The following KDM4A variants were observed in gnomAD, a reference collection of about 807,000 sequenced individuals.
The protein encoded by KDM4A is lysine-specific demethylase 4A.
In KDM4A, 23 loss-of-function variants were observed where a neutral mutation model predicts 127.1. That is an observed-to-expected ratio of 0.18 (90% CI 0.13 to 0.26). The LOEUF (loss-of-function observed/expected upper bound fraction) is 0.26. KDM4A is among the 10% of genes least tolerant of loss of function. The pLI, the probability that KDM4A is intolerant of heterozygous loss-of-function variation, is 1.00. For missense variants in KDM4A, 890 were observed against 1,329.1 expected, an observed-to-expected ratio of 0.67 and a Z score of 5.14; for synonymous variants, 443 against 466.5, an observed-to-expected ratio of 0.95 and a Z score of 0.65.
chr1:43,667,665 A>G, intron 8 of KDM4A, 107 bp from the exon 9 acceptor site: 1 of 1,443,430 alleles, frequency 6.9e-7, no homozygotes, highest in South Asian at 1.2e-5. Flanking sequence ...ATCTGGTTAT[A>G]AACCATCTTG....
At chr1:43,680,483 A>G (rs571714920) in intron 11 of KDM4A, among the ~76,000 whole-genome samples, 5 of 152,328 alleles carry the variant, frequency 3.3e-5, no homozygotes, top group Admixed American at 2.6e-4. Flanking sequence ...TATTGCTGCT[A>G]TAACAAGGTA....
chr1:43,663,750 G>A (rs1660438267), intron 5 of KDM4A, among the ~76,000 whole-genome samples: 1 of 151,876 alleles, frequency 6.6e-6, no homozygotes. Flanking sequence ...CAGCCTCCCA[G>A]GTAGCTGGGT....
In KDM4A at chr1:43,668,094, C is replaced by T. The variant is rs918199134; in HGVS notation, c.1163+75C>T. 121 of 1,537,994 alleles carry T rather than the reference C, an allele frequency of 7.9e-5. No homozygotes were observed. The Middle Eastern group carries it at 1.2e-3, about 15-fold the overall frequency. Reference sequence around the variant, plus strand: ...GTAGGTCCTGTAATCTGTGGAGAGGCTGTTTCTTGTTTTTTTTGTTTTGTT... The same window carrying T: ...GTAGGTCCTGTAATCTGTGGAGAGGTTGTTTCTTGTTTTTTTTGTTTTGTT... On this transcript the variant is annotated intron_variant, in intron 9 of 21. Transcript: ENST00000372396.
At chr1:43,685,491 G>C (rs72883063) in intron 12 of KDM4A, among the ~76,000 whole-genome samples, 1 of 151,596 alleles carries the variant, frequency 6.6e-6, no homozygotes, top group African/African-American at 2.4e-5. Context: ...TGGTATAGCC[G>C]GGCGTGGTGG....
chr1:43,703,978 G>C (rs756920849), intron 20 of KDM4A, 42 bp from the exon 21 acceptor site: 3 of 1,557,204 alleles, frequency 1.9e-6, no homozygotes, highest in Non-Finnish European at 2.7e-6. Flanking sequence ...CAGGGAAAGA[G>C]TCAGGGATAT....
In KDM4A at chr1:43,705,028, T is replaced by G. The variant is rs1357742664; in HGVS notation, c.*658T>G. 1.3e-5 allele frequency: 2 copies of G among 152,870 alleles called. No homozygotes were observed. The highest frequency in any genetic ancestry group is 2.9e-5 in the Non-Finnish European group (2 of 68,286). 9.5% of individuals were successfully genotyped at this position (152,870 alleles called of 1,614,324 possible). On this transcript the variant is annotated 3_prime_UTR_variant, in exon 22 of 22. Transcript: ENST00000372396. ...TGCTAAGGAGCTGATGCCACCTCTT[T>G]GTCTTCCCCTAAAGGAGAACATGGG...
chr1:43,694,693 T>C lies in KDM4A; in HGVS notation c.2485-16T>C. 6.3e-7 allele frequency: 1 copy of C among 1,591,152 alleles called. No individual in the cohort carries two copies. The highest frequency in any genetic ancestry group is 8.6e-7 in the Non-Finnish European group (1 of 1,161,318). The stretch of plus-strand genomic sequence containing the variant: ...CCAGTTCCTGCAATCACTGGTTTTC[T>C]TCCCCTGTGCTACAGAAATGTATCT... On this transcript the variant is annotated splice_polypyrimidine_tract_variant and intron_variant, in intron 17 of 21. Coordinates refer to ENST00000372396, the MANE Select transcript of KDM4A (RefSeq NM_014663.3). This position sits in a 1 kb window ranked among gnomAD's most constrained non-coding sequence, Gnocchi z 5.2.
chr1:43,697,743 T>TTAGA, intron 18 of KDM4A, 100 bp from the exon 19 acceptor site: 5 of 1,171,008 alleles, frequency 4.3e-6, no homozygotes, highest in Non-Finnish European at 6.1e-6. Context: ...TTTCCCATGC[T>TTAGA]TATCTTTCCC....
In KDM4A at chr1:43,661,608, CAAAAAAAAAAA is replaced by C. The variant is rs34131801; in HGVS notation, c.429+1218_429+1228del. On this transcript the variant is annotated intron_variant, in intron 4 of 21. Transcript: ENST00000372396. Reference sequence around the variant, plus strand: ...TGGGTGACAGAGCAAGACTCTGTCTCAAAAAAAAAAAAAAAAAAAAAAAAAAAAAAAAGAAT... The same window carrying C: ...TGGGTGACAGAGCAAGACTCTGTCTCAAAAAAAAAAAAAAAAAAAAAGAAT... Among the ~76,000 whole-genome samples the C allele has an allele frequency of 7.8e-3, 320 of 40,876 alleles. 1 individual carries two copies. Among genetic ancestry groups the C allele is most frequent in the African/African-American group, 0.038 (305 of 7,982 alleles). The allele number at this position is 40,876 out of a possible 152,430, so 26.8% of individuals were successfully genotyped here.
chr1:43,704,696 G>C lies in KDM4A; in HGVS notation c.*326G>C, dbSNP rs1440057837. Reference sequence around the variant, plus strand: ...TGCCTTGTTCCTGGCCTAGGACTTAGCTTCATAACTATCACCTGCACCGAC... The same window carrying C: ...TGCCTTGTTCCTGGCCTAGGACTTACCTTCATAACTATCACCTGCACCGAC... On this transcript the variant is annotated 3_prime_UTR_variant, in exon 22 of 22. Coordinates refer to ENST00000372396, the MANE Select transcript of KDM4A (RefSeq NM_014663.3). 1.2e-5 allele frequency: 4 copies of C among 326,734 alleles called. No individual in the cohort carries two copies. Among genetic ancestry groups the C allele is most frequent in the Non-Finnish European group, 2.3e-5 (4 of 175,936 alleles). The allele number at this position is 326,734 out of a possible 1,614,324, so 20.2% of individuals were successfully genotyped here. A position where few individuals can be genotyped will look rare whatever the true frequency, so the allele number is the denominator to read the frequency against.
chr1:43,690,945 C>T lies in KDM4A; in HGVS notation c.2138C>T (p.Ser713Leu), dbSNP rs375427182. The T allele has an allele frequency of 2.5e-5, 41 of 1,614,080 alleles. No individual in the cohort carries two copies. Among genetic ancestry groups the T allele is most frequent in the Non-Finnish European group, 2.7e-5 (32 of 1,180,026 alleles). Residue 713 changes from serine to leucine, a missense_variant, in exon 14 of 22, where the codon TCG becomes TTG. Ser to Leu is a moderately radical substitution (Grantham distance 145). Transcript: ENST00000372396. Reference sequence around the variant, plus strand: ...TTGATTCCAGAAATGTGCTTCACTTCGACTGGCTGCAGCACGGACATCAAC... The same window carrying T: ...TTGATTCCAGAAATGTGCTTCACTTTGACTGGCTGCAGCACGGACATCAAC... ...KPLIPEMCFTSTGCSTDINLS... is the reference protein window; with the variant it reads ...KPLIPEMCFTLTGCSTDINLS...
chr1:43,660,257 C>A (rs373727605), intron 3 of KDM4A, 41 bp from the exon 4 acceptor site: 366 of 1,600,456 alleles, frequency 2.3e-4, no homozygotes, highest in Admixed American at 7.6e-4. Flanking sequence ...CCTAATAAAC[C>A]CCTGTAAGTG....
chr1:43,669,551 C>A (rs149228942), intron 10 of KDM4A, among the ~76,000 whole-genome samples: 4 of 151,896 alleles, frequency 2.6e-5, no homozygotes, highest in East Asian at 1.9e-4. Flanking sequence ...GTGACTCTTA[C>A]AAGGTAAGTA....
At chr1:43,669,863 G>A (rs1196802860) in intron 10 of KDM4A, among the ~76,000 whole-genome samples, 1 of 152,100 alleles carries the variant, frequency 6.6e-6, no homozygotes, top group East Asian at 1.9e-4. Context: ...GTGTTGGCCA[G>A]GCTGATCTTG....
At chr1:43,662,810 C>T (rs954070530) in intron 4 of KDM4A, 84 bp from the exon 5 acceptor site, 3 of 1,186,578 alleles carry the variant, frequency 2.5e-6, no homozygotes, top group Non-Finnish European at 3.6e-6. Flanking sequence ...TGACAGCTTA[C>T]TTGTGACCTA....
At chr1:43,691,725 A>G (rs552552278) in intron 15 of KDM4A, among the ~76,000 whole-genome samples, 153 bp downstream of exon 15, 17 of 152,212 alleles carry the variant, frequency 1.1e-4, no homozygotes, top group Admixed American at 7.8e-4. Flanking sequence ...AGTAAATCCT[A>G]TGACCGTGAG....
At chr1:43,698,913 C>G (rs1256223987) in intron 19 of KDM4A, among the ~76,000 whole-genome samples, 1 of 151,874 alleles carries the variant, frequency 6.6e-6, no homozygotes, top group Non-Finnish European at 1.5e-5. Flanking sequence ...CTCAGCCTCC[C>G]TGGTAGCTGG....
At position 43,694,500 on chromosome 1, in the gene KDM4A, A is replaced by G; in HGVS notation, c.2485-209A>G. On this transcript the variant is annotated intron_variant, in intron 17 of 21. Transcript: ENST00000372396. This position sits in a 1 kb window ranked among gnomAD's most constrained non-coding sequence, Gnocchi z 5.2. ...CACTGCACTCCAGCCTGGGTGACAGAGCAAGACTCCGTCTCAAAAAAAAAA... is the reference window on the plus strand; with the variant it reads ...CACTGCACTCCAGCCTGGGTGACAGGGCAAGACTCCGTCTCAAAAAAAAAA... Among the ~76,000 whole-genome samples, 1 of 147,944 alleles carries G rather than the reference A, an allele frequency of 6.8e-6. No homozygotes were observed. Among genetic ancestry groups the G allele is most frequent in the African/African-American group, 2.5e-5 (1 of 39,556 alleles).
chr1:43,698,110 C>A, intron 19 of KDM4A, 97 bp downstream of exon 19: 1 of 1,208,992 alleles, frequency 8.3e-7, no homozygotes, highest in Non-Finnish European at 1.2e-6. Context: ...TTCTTCTAGC[C>A]AGGTCCCTGG....
Sources: allele counts gnomAD v4.1 joint callset (sites outside exome capture counted in the v4.1 genomes callset), GRCh38; gene constraint gnomAD v4.1.1; non-coding constraint Gnocchi (gnomAD v3.1); transcripts MANE v1.5; gene names NCBI Gene and HGNC (gene_info 2026-07-23, HGNC 2026-07-21).